The following SPAG16 variants were observed in gnomAD, a reference collection of about 807,000 sequenced individuals.
The protein encoded by SPAG16 is sperm-associated antigen 16 protein.
In SPAG16, 86 loss-of-function variants were observed where a neutral mutation model predicts 80.4. The ratio of observed to expected loss-of-function variants is 1.07; its 90% CI spans 0.90 to 1.28. The LOEUF (loss-of-function observed/expected upper bound fraction) is 1.28. SPAG16 is among the 50% of genes most tolerant of loss of function. The probability of loss-of-function intolerance (pLI) is 0.00; values close to 1 mark genes in which losing one functional copy is unlikely to be tolerated. For synonymous variants in SPAG16, 294 were observed against 265.9 expected, an observed-to-expected ratio of 1.11 and a Z score of -1.03; for missense variants, 870 against 765.3, an observed-to-expected ratio of 1.14 and a Z score of -1.61.
intron 10 of SPAG16, among the ~76,000 whole-genome samples, chr2:213,681,175 A>C (rs2064359890): frequency 6.6e-6 from 1 of 152,158 alleles, no homozygotes. Context: ...TAGGATGTGG[A>C]TTTTTCCCAC....
At chr2:214,379,844 G>T (rs1700347056) in intron 15 of SPAG16, among the ~76,000 whole-genome samples, 3 of 152,118 alleles carry the variant, frequency 2.0e-5, no homozygotes. Flanking sequence ...ACACCAAAGA[G>T]AATTCTTCCT....
chr2:214,109,555 A>G (rs887522791), intron 14 of SPAG16, among the ~76,000 whole-genome samples: 2 of 152,230 alleles, frequency 1.3e-5, no homozygotes, highest in African/African-American at 4.8e-5. Flanking sequence ...TGCTAGTATC[A>G]TTCTTTTAGA....
At chr2:214,382,978 A>C (rs1574465305) in intron 15 of SPAG16, among the ~76,000 whole-genome samples, 2 of 150,936 alleles carry the variant, frequency 1.3e-5, no homozygotes, top group Admixed American at 1.3e-4. Context: ...TGAAGCCCCC[A>C]CCCTACTTTC....
At chr2:214,365,193 G>A (rs535168077) in intron 15 of SPAG16, among the ~76,000 whole-genome samples, 152 of 152,240 alleles carry the variant, frequency 1.0e-3, no homozygotes, top group African/African-American at 3.3e-3. Context: ...ATGAGTTTGT[G>A]GGAGAAGATT....
intron 15 of SPAG16, among the ~76,000 whole-genome samples, chr2:214,283,694 T>C (rs1693133239): frequency 1.3e-5 from 2 of 152,230 alleles, no homozygotes. Context: ...TTTCTGCTGA[T>C]ATTGGCAGAA....
intron 10 of SPAG16, among the ~76,000 whole-genome samples, chr2:213,567,522 G>T (rs2059817218): frequency 8.4e-6 from 1 of 119,502 alleles, no homozygotes; most frequent in African/African-American, 3.9e-5. Context: ...TGAGAATGAT[G>T]GTTTCCAACT....
chr2:214,135,707 C>G (rs2055011186), intron 14 of SPAG16, among the ~76,000 whole-genome samples: 1 of 146,736 alleles, frequency 6.8e-6, no homozygotes, highest in Admixed American at 6.7e-5. Flanking sequence ...CTATCTCTCT[C>G]TCTCTCTGTC....
At chr2:214,067,562 TA>T (rs2050589090) in intron 13 of SPAG16, among the ~76,000 whole-genome samples, 1 of 151,660 alleles carries the variant, frequency 6.6e-6, no homozygotes, top group Non-Finnish European at 1.5e-5. Context: ...CGTACACTTA[TA>T]AAATATACTC....
At chr2:214,328,622 G>A (rs898369636) in intron 15 of SPAG16, among the ~76,000 whole-genome samples, 6 of 152,124 alleles carry the variant, frequency 3.9e-5, no homozygotes, top group Admixed American at 1.3e-4. Context: ...TTTAAATCTC[G>A]TATCTCAAAT....
intron 14 of SPAG16, 33 bp downstream of exon 14, chr2:214,108,294 A>G: frequency 6.6e-7 from 1 of 1,505,210 alleles, no homozygotes; most frequent in Non-Finnish European, 9.2e-7. Flanking sequence ...ACTGTTTTTA[A>G]TGCTTCATAT....
At chr2:214,030,187 T>C (rs2048340032) in intron 13 of SPAG16, among the ~76,000 whole-genome samples, 1 of 152,164 alleles carries the variant, frequency 6.6e-6, no homozygotes, top group East Asian at 1.9e-4. Context: ...TTTGTGACTT[T>C]GACTATTTTA....
At chr2:213,650,758 G>A (rs1367875559) in intron 10 of SPAG16, among the ~76,000 whole-genome samples, 1 of 152,158 alleles carries the variant, frequency 6.6e-6, no homozygotes, top group Non-Finnish European at 1.5e-5. Context: ...ACAAGGGAAA[G>A]CTAGCTTTCT....
At chr2:214,185,687 C>G (rs908484453) in intron 15 of SPAG16, among the ~76,000 whole-genome samples, 1 of 152,028 alleles carries the variant, frequency 6.6e-6, no homozygotes, top group Admixed American at 6.6e-5. Flanking sequence ...GCAGGCCAGA[C>G]AGAGACAGAA....
chr2:213,751,896 A>T (rs567701399), intron 10 of SPAG16, among the ~76,000 whole-genome samples: 28 of 152,288 alleles, frequency 1.8e-4, no homozygotes, highest in African/African-American at 6.0e-4. Context: ...AGGTCAGAAC[A>T]GGGCTGGAGC....
chr2:214,073,308 C>T (rs528286148), intron 13 of SPAG16, among the ~76,000 whole-genome samples: 1 of 150,774 alleles, frequency 6.6e-6, no homozygotes, highest in South Asian at 2.1e-4. Flanking sequence ...GCAATCTTGG[C>T]TCACTGCAAC....
intron 15 of SPAG16, among the ~76,000 whole-genome samples, chr2:214,377,038 C>A (rs1208384757): frequency 6.6e-6 from 1 of 152,086 alleles, no homozygotes; most frequent in African/African-American, 2.4e-5. Flanking sequence ...ATAATAACTA[C>A]CTAAAGTTAA....
intron 10 of SPAG16, among the ~76,000 whole-genome samples, chr2:213,738,963 G>A (rs565106157): frequency 6.6e-6 from 1 of 152,200 alleles, no homozygotes; most frequent in South Asian, 2.1e-4. Flanking sequence ...TATTGATCTT[G>A]ATATGCATAT....
intron 13 of SPAG16, among the ~76,000 whole-genome samples, chr2:214,035,243 C>G (rs1056156291): frequency 1.3e-5 from 2 of 152,120 alleles, no homozygotes; most frequent in Non-Finnish European, 2.9e-5. Flanking sequence ...TATGAGCAGC[C>G]TGAATAAAGC....
At chr2:213,932,377 G>A (rs1341028665) in intron 12 of SPAG16, among the ~76,000 whole-genome samples, 1 of 151,350 alleles carries the variant, frequency 6.6e-6, no homozygotes, top group Non-Finnish European at 1.5e-5. Flanking sequence ...CACCACACCT[G>A]GCTAATTTTT....
Sources: allele counts gnomAD v4.1 joint callset (sites outside exome capture counted in the v4.1 genomes callset), GRCh38; gene constraint gnomAD v4.1.1; transcripts MANE v1.5; gene names NCBI Gene and HGNC (gene_info 2026-07-23, HGNC 2026-07-21).